Variants in SGCD observed in about 807,000 individuals in gnomAD.
SGCD encodes sarcoglycan delta, also known as delta-sarcoglycan.
A neutral mutation model predicts 36.6 loss-of-function variants in SGCD; 18 were observed. The ratio of observed to expected loss-of-function variants is 0.49; its 90% CI spans 0.34 to 0.73. The LOEUF is 0.73. Ranked by LOEUF, SGCD falls within the 30% of genes least tolerant of loss-of-function variation. The pLI, the probability that SGCD is intolerant of heterozygous loss-of-function variation, is 0.01. For synonymous variants in SGCD, 133 were observed against 130.6 expected, an observed-to-expected ratio of 1.02 and a Z score of -0.12; for missense variants, 387 against 346.7, an observed-to-expected ratio of 1.12 and a Z score of -0.92.
rs148540504 is a variant in SGCD, at chr5:156,751,559, G to A, written c.576-6022G>A. Among the ~76,000 whole-genome samples, 260 of 151,980 alleles carry A rather than the reference G, an allele frequency of 1.7e-3. 1 individual carries two copies. Among genetic ancestry groups the A allele is most frequent in the African/African-American group, 5.9e-3 (245 of 41,444 alleles). ...AGAAGAAATTGTCAATACATAGAAC[G>A]GCTGAATATTTTTCAGATTATATAA... On this transcript the variant is annotated intron_variant, in intron 7 of 8. Transcript: ENST00000337851.
chr5:155,849,446 GCACA>G, the SGCD span, among the ~76,000 whole-genome samples: 843 of 149,926 alleles, frequency 5.6e-3, 6 homozygotes, highest in African/African-American at 0.019. Context: ...ATGTGCGCGC[GCACA>G]CACACACACA....
At chr5:155,810,484 C>A in the SGCD span, among the ~76,000 whole-genome samples, 1 of 151,716 alleles carries the variant, frequency 6.6e-6, no homozygotes, top group Non-Finnish European at 1.5e-5. Context: ...TAAAGGACTA[C>A]AGTTACCATA....
At chr5:156,199,365 A>G (rs1304951563) in intron 3 of SGCD, among the ~76,000 whole-genome samples, 1 of 152,154 alleles carries the variant, frequency 6.6e-6, no homozygotes, top group Non-Finnish European at 1.5e-5. Context: ...GAACAAAAAT[A>G]ATGTCTTCTT....
chr5:155,731,777 C>A, the SGCD span, among the ~76,000 whole-genome samples: 1 of 152,054 alleles, frequency 6.6e-6, no homozygotes, highest in African/African-American at 2.4e-5. Flanking sequence ...ACTACTGGAC[C>A]CACTCCCCTG....
At chr5:155,905,606 T>C (rs1756490901) in intron 1 of SGCD, among the ~76,000 whole-genome samples, 2 of 152,178 alleles carry the variant, frequency 1.3e-5, no homozygotes, top group Non-Finnish European at 2.9e-5. Flanking sequence ...TGTGATATGG[T>C]TTGGCTGTGT....
At chr5:156,645,371 A>G (rs2113578279) in intron 6 of SGCD, among the ~76,000 whole-genome samples, 1 of 152,310 alleles carries the variant, frequency 6.6e-6, no homozygotes, top group East Asian at 1.9e-4. Flanking sequence ...CTTCTGGGAA[A>G]GTAAACAATG....
At chr5:156,745,833 T>C (rs1756916745) in intron 7 of SGCD, among the ~76,000 whole-genome samples, 1 of 151,672 alleles carries the variant, frequency 6.6e-6, no homozygotes, top group Non-Finnish European at 1.5e-5. Context: ...TAAATCAATA[T>C]GAACATATAT....
At chr5:155,732,958 G>T in the SGCD span, among the ~76,000 whole-genome samples, 1 of 150,960 alleles carries the variant, frequency 6.6e-6, no homozygotes, top group East Asian at 1.9e-4. Context: ...CCACCTGGAG[G>T]CAACTTTGCA....
the SGCD span, among the ~76,000 whole-genome samples, chr5:155,775,858 C>G: frequency 1.3e-5 from 2 of 152,122 alleles, no homozygotes; most frequent in Non-Finnish European, 2.9e-5. Flanking sequence ...TGGGCCAATT[C>G]TGCTCCAAAG....
chr5:156,285,617 C>A (rs1019389760), intron 3 of SGCD, among the ~76,000 whole-genome samples: 2 of 152,076 alleles, frequency 1.3e-5, no homozygotes, highest in African/African-American at 4.8e-5. Context: ...AACTGGCTAG[C>A]CATATGTAGA....
At chr5:156,388,966 T>C (rs776664487) in intron 3 of SGCD, among the ~76,000 whole-genome samples, 1 of 152,180 alleles carries the variant, frequency 6.6e-6, no homozygotes, top group Non-Finnish European at 1.5e-5. Context: ...AATGTTTATT[T>C]GATTCTGTAA....
the SGCD span, among the ~76,000 whole-genome samples, chr5:155,791,016 C>A: frequency 6.6e-6 from 1 of 152,038 alleles, no homozygotes; most frequent in African/African-American, 2.4e-5. Flanking sequence ...AATAGTGTTT[C>A]TTTGGAAAAC....
intron 3 of SGCD, among the ~76,000 whole-genome samples, chr5:156,388,271 C>A (rs1011213770): frequency 2.2e-4 from 33 of 152,090 alleles, no homozygotes; most frequent in African/African-American, 8.0e-4. Flanking sequence ...TTAAAAAAGC[C>A]TCCCTATGAT....
chr5:156,127,454 TAAAAG>T (rs1762202228), intron 3 of SGCD, among the ~76,000 whole-genome samples: 1 of 151,246 alleles, frequency 6.6e-6, no homozygotes, highest in Admixed American at 6.6e-5. Flanking sequence ...AAATAGAAAA[TAAAAG>T]AAAAGAAATT....
At chr5:156,609,097 C>G (rs1424009709) in intron 6 of SGCD, among the ~76,000 whole-genome samples, 2 of 151,606 alleles carry the variant, frequency 1.3e-5, no homozygotes, top group African/African-American at 4.9e-5. Context: ...ATGATGTTAG[C>G]TGGTTATTTT....
intron 1 of SGCD, among the ~76,000 whole-genome samples, chr5:156,032,072 T>C (rs1238241995): frequency 6.6e-6 from 1 of 152,190 alleles, no homozygotes; most frequent in Non-Finnish European, 1.5e-5. Context: ...TCAGGTTTCC[T>C]TCTAGGCCTG....
chr5:156,067,807 G>GGT (rs1354555838), intron 1 of SGCD, among the ~76,000 whole-genome samples: 1 of 138,558 alleles, frequency 7.2e-6, no homozygotes, highest in Non-Finnish European at 1.5e-5. Context: ...GCTCGCGCAC[G>GGT]GTGCGCACAC....
chr5:156,301,772 A>G (rs73811589), intron 3 of SGCD, among the ~76,000 whole-genome samples: 15,942 of 151,274 alleles, frequency 0.11, 2,534 homozygotes, highest in African/African-American at 0.34. Flanking sequence ...TTTTCACTGG[A>G]TATACTATTC....
chr5:156,324,956 G>A (rs1006500144), upstream of SGCD, among the ~76,000 whole-genome samples: 4 of 152,050 alleles, frequency 2.6e-5, no homozygotes, highest in Admixed American at 6.6e-5. Context: ...AATTTAGGAC[G>A]TTGCCATTTC....
Sources: gnomAD v4.1 joint callset for allele counts (sites outside exome capture counted in the v4.1 genomes callset) on GRCh38, gnomAD v4.1.1 for gene constraint, MANE v1.5 for transcripts, NCBI Gene and HGNC (gene_info 2026-07-23, HGNC 2026-07-21) for gene names.